The following ASTN2 variants were observed in gnomAD, a reference collection of about 807,000 sequenced individuals.
The protein encoded by ASTN2 is astrotactin-2.
In ASTN2, 54 loss-of-function variants were observed where a neutral mutation model predicts 139.8. That is an observed-to-expected ratio of 0.39 (90% CI 0.31 to 0.48). The LOEUF is 0.48. Among genes scored for constraint, ASTN2 ranks in the 20% least tolerant of loss-of-function variants. ASTN2 has a pLI of 0.95. For synonymous variants in ASTN2, 756 were observed against 719.5 expected, an observed-to-expected ratio of 1.05 and a Z score of -0.81; for missense variants, 1,565 against 1,725.1, an observed-to-expected ratio of 0.91 and a Z score of 1.64.
intron 16 of ASTN2, among the ~76,000 whole-genome samples, chr9:116,660,165 A>AGCGC (rs1471597171): frequency 8.5e-5 from 8 of 94,020 alleles, no homozygotes; most frequent in African/African-American, 3.4e-4. Context: ...TCATATTGCA[A>AGCGC]GCGCACACAC....
intron 5 of ASTN2, among the ~76,000 whole-genome samples, chr9:117,086,599 C>T (rs948215633): frequency 6.6e-6 from 1 of 151,882 alleles, no homozygotes; most frequent in Non-Finnish European, 1.5e-5. Flanking sequence ...AAAAACAAAA[C>T]ACCCAAGTCT....
chr9:117,091,679 G>T (rs915668997), intron 5 of ASTN2, among the ~76,000 whole-genome samples: 19 of 152,100 alleles, frequency 1.2e-4, no homozygotes, highest in Non-Finnish European at 2.8e-4. Flanking sequence ...AGAGGCCCCG[G>T]GGGAGAGGTG....
At chr9:117,314,953 CAT>C (rs984414218) in intron 1 of ASTN2, among the ~76,000 whole-genome samples, 3 of 72,760 alleles carry the variant, frequency 4.1e-5, no homozygotes, top group African/African-American at 1.0e-4. Context: ...ATAATATACA[CAT>C]AACATAATAT....
chr9:116,612,800 A>G (rs936820989), intron 19 of ASTN2: 1 of 152,012 alleles, frequency 6.6e-6, no homozygotes, highest in Admixed American at 6.6e-5. Context: ...TAACATCATA[A>G]TTAAAAGAAC....
chr9:117,306,054 C>T (rs1387262236), intron 1 of ASTN2, among the ~76,000 whole-genome samples: 1 of 152,190 alleles, frequency 6.6e-6, no homozygotes, highest in Non-Finnish European at 1.5e-5. Flanking sequence ...AAAGATACAT[C>T]CTTTGAATAT....
intron 10 of ASTN2, among the ~76,000 whole-genome samples, chr9:116,881,294 T>A (rs778042692): frequency 6.6e-6 from 1 of 152,220 alleles, no homozygotes; most frequent in Non-Finnish European, 1.5e-5. Flanking sequence ...ATTTTGCAGA[T>A]AAAGAAACTG....
chr9:116,556,212 G>C (rs561521703), intron 19 of ASTN2, among the ~76,000 whole-genome samples: 114 of 152,218 alleles, frequency 7.5e-4, no homozygotes, highest in Non-Finnish European at 1.4e-3. Context: ...CCTCACCTTT[G>C]GTAAAAAGCT....
intron 13 of ASTN2, among the ~76,000 whole-genome samples, chr9:116,734,514 G>T (rs1013788105): frequency 1.3e-5 from 2 of 151,538 alleles, no homozygotes; most frequent in South Asian, 2.3e-4. Flanking sequence ...GACTTATGAG[G>T]TCCCTTTATA....
chr9:116,840,312 A>G (rs1161203795), intron 11 of ASTN2, among the ~76,000 whole-genome samples: 2 of 150,872 alleles, frequency 1.3e-5, no homozygotes, highest in African/African-American at 2.4e-5. Context: ...CGATTTCTCA[A>G]TCTTTTCCTC....
At chr9:117,212,559 C>A (rs1363182276) in intron 3 of ASTN2, among the ~76,000 whole-genome samples, 3 of 96,750 alleles carry the variant, frequency 3.1e-5, no homozygotes, top group Admixed American at 2.7e-4. Flanking sequence ...AACATTCCAA[C>A]AGCAAAAACA....
intron 20 of ASTN2, among the ~76,000 whole-genome samples, chr9:116,482,864 G>A (rs957425588): frequency 2.6e-4 from 39 of 152,224 alleles, no homozygotes; most frequent in Non-Finnish European, 2.2e-4. Context: ...CGGGTCTGGG[G>A]CAAGCCTCTG....
At position 116,673,700 on chromosome 9, in the gene ASTN2, A is replaced by G. The variant is rs948427894; in HGVS notation, c.2807-21907T>C. On this transcript the variant is annotated intron_variant, in intron 16 of 22. Transcript: ENST00000313400. ...CAAAAAAATGCCTGGGGCCACCAGA[A>G]GTTGGAAGAGGCAAGGAATAATCTC... Among the ~76,000 whole-genome samples the G allele has an allele frequency of 6.6e-5, 10 of 152,206 alleles. No homozygotes were observed. The South Asian group carries it at 1.9e-3, about 28-fold the overall frequency.
chr9:117,302,566 T>C (rs896988630), intron 1 of ASTN2, among the ~76,000 whole-genome samples: 2 of 152,106 alleles, frequency 1.3e-5, no homozygotes, highest in Admixed American at 6.6e-5. Context: ...CAAGAGGGCA[T>C]CTTAAGTCTC....
chr9:116,471,164 G>T (rs1848800483), intron 20 of ASTN2, among the ~76,000 whole-genome samples: 1 of 152,000 alleles, frequency 6.6e-6, no homozygotes, highest in Non-Finnish European at 1.5e-5. Context: ...ACAGGCTATA[G>T]ATATGATTAA....
chr9:117,049,239 A>G (rs1279255951), intron 5 of ASTN2, among the ~76,000 whole-genome samples: 1 of 152,030 alleles, frequency 6.6e-6, no homozygotes, highest in African/African-American at 2.4e-5. Flanking sequence ...AGTATTTCCC[A>G]CAAAACCAGA....
chr9:116,968,207 TCTC>T (rs1836075304), intron 10 of ASTN2, among the ~76,000 whole-genome samples: 1 of 152,198 alleles, frequency 6.6e-6, no homozygotes. Flanking sequence ...TACTCCTTCT[TCTC>T]TTTCTGGTTT....
intron 11 of ASTN2, among the ~76,000 whole-genome samples, chr9:116,838,315 G>A (rs1832078655): frequency 6.6e-6 from 1 of 151,704 alleles, no homozygotes; most frequent in African/African-American, 2.4e-5. Context: ...TCTCCATGTT[G>A]GTCAGGCTGG....
chr9:117,398,450 C>T lies in ASTN2; in HGVS notation c.442+16047G>A, dbSNP rs143371445. Among the ~76,000 whole-genome samples the T allele has an allele frequency of 4.1e-4, 63 of 152,274 alleles. No individual in the cohort carries two copies. The East Asian group carries it at 9.9e-3, about 24-fold the overall frequency. On this transcript the variant is annotated intron_variant, in intron 1 of 22. Transcript: ENST00000313400. ...GTTACAGGCAGCTAAGAGTGGAGCA[C>T]CTCTGTAACAGAAATCCAGAGCAAC...
At chr9:117,356,450 A>G (rs1422587770) in intron 1 of ASTN2, among the ~76,000 whole-genome samples, 1 of 152,206 alleles carries the variant, frequency 6.6e-6, no homozygotes, top group East Asian at 1.9e-4. Flanking sequence ...TGGCATGGCC[A>G]TCAATTAAAA....
Sources: gnomAD v4.1 joint callset for allele counts (sites outside exome capture counted in the v4.1 genomes callset) on GRCh38, gnomAD v4.1.1 for gene constraint, MANE v1.5 for transcripts, NCBI Gene and HGNC (gene_info 2026-07-23, HGNC 2026-07-21) for gene names.